Variants in DNAAF3 observed in about 807,000 individuals in gnomAD.
The protein encoded by DNAAF3 is dynein axonemal assembly factor 3.
Under a neutral mutation model 50.9 loss-of-function variants are expected in DNAAF3, and 40 were observed. The ratio of observed to expected loss-of-function variants is 0.79; its 90% CI spans 0.61 to 1.02. The LOEUF (loss-of-function observed/expected upper bound fraction) is 1.02, where lower values mean the gene tolerates loss of function less well. Ranked by LOEUF, DNAAF3 falls within the 50% of genes least tolerant of loss-of-function variation. The pLI, the probability that DNAAF3 is intolerant of heterozygous loss-of-function variation, is 0.00. For missense variants in DNAAF3, 763 were observed against 744.7 expected, an observed-to-expected ratio of 1.02 and a Z score of -0.29; for synonymous variants, 327 against 322.8, an observed-to-expected ratio of 1.01 and a Z score of -0.14.
intron 3 of DNAAF3, 173 bp downstream of exon 3, chr19:55,165,685 C>T: frequency 8.1e-7 from 1 of 1,227,036 alleles, no homozygotes; most frequent in Non-Finnish European, 1.1e-6. Flanking sequence ...CCAGGAGTTC[C>T]AAACCCCAGC....
Position 55,166,417 on chromosome 19 carries a change from C to T in DNAAF3, c.-4G>A, listed in dbSNP as rs200851565. 2.9e-4 allele frequency: 461 copies of T among 1,613,936 alleles called. 1 individual carries two copies. The African/African-American group carries it at 4.9e-3, about 17-fold the overall frequency. On this transcript the variant is annotated splice_region_variant and 5_prime_UTR_variant, in exon 2 of 12. Coordinates refer to ENST00000524407, the MANE Select transcript of DNAAF3 (RefSeq NM_001256715.2). This position sits in a 1 kb window ranked among gnomAD's most constrained non-coding sequence, Gnocchi z 4.0. Reference sequence around the variant, plus strand: ...CGGAGCCGGCAGGTGTGGTCATCACCCTGCGGAAAAGACATTCTGGGAATC... The same window carrying T: ...CGGAGCCGGCAGGTGTGGTCATCACTCTGCGGAAAAGACATTCTGGGAATC...
Position 55,159,179 on chromosome 19 carries a change from G to T in DNAAF3, c.1509C>A (p.His503Gln). ...LTQPLQGGTP[H>Q]CEPCQLPSES... ...CAGAGGGCAGCTGGCAGGGCTCACA[G>T]TGTGGGGTCCCACCCTGCAGAGGCT... The change falls in exon 12 of 12, where the codon CAC becomes CAA. Residue 503 changes from histidine to glutamine, a missense_variant. Transcript: ENST00000524407. 1.9e-6 allele frequency: 3 copies of T among 1,613,920 alleles called. No individual in the cohort carries two copies. Among genetic ancestry groups the T allele is most frequent in the Non-Finnish European group, 2.5e-6 (3 of 1,180,046 alleles).
intron 3 of DNAAF3, 79 bp downstream of exon 3, chr19:55,165,779 G>T: frequency 6.4e-7 from 1 of 1,553,030 alleles, no homozygotes. Context: ...TTCATTCCTG[G>T]ACCTGAGGTT....
At position 55,159,424 on chromosome 19, in the gene DNAAF3, G is replaced by C. The variant is rs2085777052; in HGVS notation, c.1264C>G (p.Gln422Glu). 3 of 1,613,944 alleles carry C rather than the reference G, an allele frequency of 1.9e-6. No individual in the cohort carries two copies. The highest frequency in any genetic ancestry group is 2.5e-6 in the Non-Finnish European group (3 of 1,179,948). ...ACCCGGGTGTTGAATCCCTGCAGCT[G>C]CTCCTGCCGCACGTCCACCAGGTAC... ...ARYLVDVRQE[Q>E]LQGFNTRVRE... The change falls in exon 12 of 12, where the codon CAG becomes GAG. Residue 422 changes from glutamine to glutamate, a missense_variant. Gln to Glu is a conservative substitution (Grantham distance 29, BLOSUM62 2). Transcript: ENST00000524407.
At position 55,161,487 on chromosome 19, in the gene DNAAF3, C is replaced by G; in HGVS notation, c.664-69G>C. ...CGTGGAGAGACCCCTACACCAGCCT[C>G]CCTCAGACCCAGGAGTCCAGGTCCC... On this transcript the variant is annotated intron_variant, in intron 6 of 11. Transcript: ENST00000524407. This position sits in a 1 kb window ranked among gnomAD's most constrained non-coding sequence, Gnocchi z 6.4. 1 of 1,529,408 alleles carries G rather than the reference C, an allele frequency of 6.5e-7. No homozygotes were observed. Among genetic ancestry groups the G allele is most frequent in the Non-Finnish European group, 8.8e-7 (1 of 1,140,898 alleles). The allele number at this position is 1,529,408 out of a possible 1,614,324, so 94.7% of individuals were successfully genotyped here.
chr19:55,165,186 G>A (rs1315591240), intron 4 of DNAAF3, among the ~76,000 whole-genome samples, 184 bp downstream of exon 4: 1 of 151,660 alleles, frequency 6.6e-6, no homozygotes, highest in African/African-American at 2.4e-5. Context: ...GTGAGCCACC[G>A]CGCCCGGCCG....
Position 55,166,397 on chromosome 19 carries a change from C to T in DNAAF3, c.17G>A (p.Gly6Asp). 6.2e-7 allele frequency: 1 copy of T among 1,613,846 alleles called. No homozygotes were observed. Among genetic ancestry groups the T allele is most frequent in the Non-Finnish European group, 8.5e-7 (1 of 1,179,916 alleles). MTTPAGSGSGFGSVSW... is the reference protein window; with the variant it reads MTTPADSGSGFGSVSW... Reference sequence around the variant, plus strand: ...CACGGAGCCGAAGCCGCTGCCGGAGCCGGCAGGTGTGGTCATCACCCTGCG... The same window carrying T: ...CACGGAGCCGAAGCCGCTGCCGGAGTCGGCAGGTGTGGTCATCACCCTGCG... Residue 6 changes from glycine (G) to aspartate (D), a missense_variant, in exon 2 of 12, where the codon GGC becomes GAC. Coordinates refer to ENST00000524407, the MANE Select transcript of DNAAF3 (RefSeq NM_001256715.2). This position sits in a 1 kb window ranked among gnomAD's most constrained non-coding sequence, Gnocchi z 4.0.
In DNAAF3 at chr19:55,166,581, A is replaced by T. The variant is rs1450389831; in HGVS notation, c.-63T>A. 1.9e-6 allele frequency: 3 copies of T among 1,613,920 alleles called. No homozygotes were observed. Among genetic ancestry groups the T allele is most frequent in the Admixed American group, 3.3e-5 (2 of 59,996 alleles). ...CTCTCTGCTCAGTGCAGCACTGTGG[A>T]CCCGCGGCACTCCACAACCGCTGCC... On this transcript the variant is annotated 5_prime_UTR_variant, in exon 1 of 12. Coordinates refer to ENST00000524407, the MANE Select transcript of DNAAF3 (RefSeq NM_001256715.2). The surrounding 1 kb of genome is among the most constrained non-coding windows in gnomAD (Gnocchi z 4.0).
In DNAAF3 at chr19:55,160,037, C is replaced by T. The variant is rs773967298; in HGVS notation, c.1049-24G>A. 8.7e-6 allele frequency: 13 copies of T among 1,500,156 alleles called. No homozygotes were observed. In the African/African-American group the frequency reaches 1.5e-4, roughly 18 times the overall value. 92.9% of individuals were successfully genotyped at this position (1,500,156 alleles called of 1,614,324 possible). On this transcript the variant is annotated intron_variant, in intron 9 of 11. Coordinates refer to ENST00000524407, the MANE Select transcript of DNAAF3 (RefSeq NM_001256715.2). This position sits in a 1 kb window ranked among gnomAD's most constrained non-coding sequence, Gnocchi z 4.7. ...TGCTGGGGGAAGGGGATAGAGGGGT[C>T]ACCTCTGACAGGCGGAGCCATAAGG...
chr19:55,165,096 C>A (rs1793844904), intron 4 of DNAAF3, among the ~76,000 whole-genome samples: 1 of 133,544 alleles, frequency 7.5e-6, no homozygotes. Context: ...GTGGCGCGAT[C>A]TCAGCTCACT....
At chr19:55,165,508 T>G in intron 3 of DNAAF3, 45 bp from the exon 4 acceptor site, 3 of 1,604,032 alleles carry the variant, frequency 1.9e-6, no homozygotes, top group Non-Finnish European at 2.6e-6. Context: ...CCTGTTTGCC[T>G]GGGTCCTAGG....
chr19:55,164,148 A>G (rs888059722), intron 4 of DNAAF3, among the ~76,000 whole-genome samples: 1 of 151,174 alleles, frequency 6.6e-6, no homozygotes, highest in African/African-American at 2.4e-5. Flanking sequence ...TCCCAGCCAT[A>G]CTCCCTGTAC....
At position 55,161,710 on chromosome 19, in the gene DNAAF3, C is replaced by T. The variant is rs1027477113; in HGVS notation, c.596G>A (p.Gly199Asp). ...LWDSRLRHYL[G>D]SRYDARRGVS... ...ACCGCGCCGGGCGTCGTAGCGGGAG[C>T]CCAGGTAGTGGCGCAGGCGCGAGTC... Residue 199 changes from glycine to aspartate, a missense_variant, in exon 6 of 12, where the codon GGC becomes GAC. Transcript: ENST00000524407. This position sits in a 1 kb window ranked among gnomAD's most constrained non-coding sequence, Gnocchi z 6.4. The T allele has an allele frequency of 7.8e-6, 12 of 1,541,496 alleles. No homozygotes were observed. Among genetic ancestry groups the T allele is most frequent in the Non-Finnish European group, 9.6e-6 (11 of 1,146,566 alleles).
Position 55,159,181 on chromosome 19 carries a change from G to A in DNAAF3, c.1507C>T (p.His503Tyr), listed in dbSNP as rs758688329. ...LTQPLQGGTP[H>Y]CEPCQLPSES... ...GAGGGCAGCTGGCAGGGCTCACAGTGTGGGGTCCCACCCTGCAGAGGCTGG... is the reference window on the plus strand; with the variant it reads ...GAGGGCAGCTGGCAGGGCTCACAGTATGGGGTCCCACCCTGCAGAGGCTGG... The change falls in exon 12 of 12, where the codon CAC (histidine) becomes TAC (tyrosine). Residue 503 changes from histidine to tyrosine, a missense_variant. Physicochemically the swap from His to Tyr is moderately conservative, Grantham distance 83. Coordinates refer to ENST00000524407, the MANE Select transcript of DNAAF3 (RefSeq NM_001256715.2). 3.1e-6 allele frequency: 5 copies of A among 1,613,900 alleles called. No individual in the cohort carries two copies. Among genetic ancestry groups the A allele is most frequent in the East Asian group, 4.5e-5 (2 of 44,870 alleles).
Position 55,162,294 on chromosome 19 carries a change from C to G in DNAAF3, c.323-4G>C. On this transcript the variant is annotated splice_polypyrimidine_tract_variant and splice_region_variant and intron_variant, in intron 4 of 11. Transcript: ENST00000524407. The stretch of plus-strand genomic sequence containing the variant: ...TCCAGGAAGGTCTCGCTTCGCTCTA[C>G]GGAGAGAGGGAGATAATTGCGGGAA... 1 of 1,247,638 alleles carries G rather than the reference C, an allele frequency of 8.0e-7. No homozygotes were observed. Among genetic ancestry groups the G allele is most frequent in the Non-Finnish European group, 1.0e-6 (1 of 988,584 alleles). The allele number at this position is 1,247,638 out of a possible 1,614,324, so 77.3% of individuals were successfully genotyped here.
In DNAAF3 at chr19:55,160,552, G is replaced by A; in HGVS notation, c.1048+88C>T. On this transcript the variant is annotated intron_variant, in intron 9 of 11. Transcript: ENST00000524407. This position sits in a 1 kb window ranked among gnomAD's most constrained non-coding sequence, Gnocchi z 4.7. Reference sequence around the variant, plus strand: ...ATATCAAGAAGCCGTCACTTGCCCAGGCATTCCAAATCATGTCAGTCCACA... The same window carrying A: ...ATATCAAGAAGCCGTCACTTGCCCAAGCATTCCAAATCATGTCAGTCCACA... 5 of 1,589,294 alleles carry A rather than the reference G, an allele frequency of 3.1e-6. No individual in the cohort carries two copies. Among genetic ancestry groups the A allele is most frequent in the Non-Finnish European group, 4.3e-6 (5 of 1,170,192 alleles).
Position 55,165,698 on chromosome 19 carries a change from C to T in DNAAF3, c.228+160G>A, listed in dbSNP as rs2085926187. On this transcript the variant is annotated intron_variant, in intron 3 of 11. Coordinates refer to ENST00000524407, the MANE Select transcript of DNAAF3 (RefSeq NM_001256715.2). The stretch of plus-strand genomic sequence containing the variant: ...ACCCAGGAGTTCCAAACCCCAGCCC[C>T]TTCCTTCCCCCAAGACGCATCGGTT... The T allele has an allele frequency of 3.1e-6, 4 of 1,310,474 alleles. No individual in the cohort carries two copies. The South Asian group carries it at 4.2e-5, about 14-fold the overall frequency. The allele number at this position is 1,310,474 out of a possible 1,614,324, so 81.2% of individuals were successfully genotyped here. A position where few individuals can be genotyped will look rare whatever the true frequency, so the allele number is the denominator to read the frequency against.
chr19:55,165,372 T>G lies in DNAAF3; in HGVS notation c.320A>C (p.Gln107Pro). 1 of 1,614,096 alleles carries G rather than the reference T, an allele frequency of 6.2e-7. No individual in the cohort carries two copies. The highest frequency in any genetic ancestry group is 8.5e-7 in the Non-Finnish European group (1 of 1,179,978). ...ALEEPEKMGL[Q>P]ERSETFLEVW... is the part of the protein sequence containing the mutation. ...ATGCCTGGGTCCTAGCAACAGACCTTGCAGCCCCATCTTCTCCGGTTCCTC... is the reference window on the plus strand; with the variant it reads ...ATGCCTGGGTCCTAGCAACAGACCTGGCAGCCCCATCTTCTCCGGTTCCTC... The change falls in exon 4 of 12, where the codon CAA becomes CCA. Residue 107 changes from glutamine (Q) to proline (P), a missense_variant and splice_region_variant. Gln to Pro is a moderately conservative substitution (Grantham distance 76, BLOSUM62 -1). Coordinates refer to ENST00000524407, the MANE Select transcript of DNAAF3 (RefSeq NM_001256715.2).
Position 55,161,655 on chromosome 19 carries a change from C to A in DNAAF3, c.651G>T (p.Leu217=), listed in dbSNP as rs2085836027. ...GVSDWDLRMK[L]HDRGAQVIHP... Reference sequence around the variant, plus strand: ...CTGGGCCCCTCACCCCGCGGTCATGCAGCTTCATGCGCAGGTCCCAGTCGC... The same window carrying A: ...CTGGGCCCCTCACCCCGCGGTCATGAAGCTTCATGCGCAGGTCCCAGTCGC... Residue 217 remains leucine, a synonymous_variant, in exon 6 of 12, where the codon CTG becomes CTT. Coordinates refer to ENST00000524407, the MANE Select transcript of DNAAF3 (RefSeq NM_001256715.2). This position sits in a 1 kb window ranked among gnomAD's most constrained non-coding sequence, Gnocchi z 6.4. 6.5e-7 allele frequency: 1 copy of A among 1,537,720 alleles called. No individual in the cohort carries two copies. The highest frequency in any genetic ancestry group is 8.7e-7 in the Non-Finnish European group (1 of 1,145,980).
Sources: gnomAD v4.1 joint callset for allele counts (sites outside exome capture counted in the v4.1 genomes callset) on GRCh38, gnomAD v4.1.1 for gene constraint, Gnocchi (gnomAD v3.1) non-coding constraint, MANE v1.5 for transcripts, NCBI Gene and HGNC (gene_info 2026-07-23, HGNC 2026-07-21) for gene names.